The following SLC2A9 variants were observed in gnomAD, a reference collection of about 807,000 sequenced individuals.
SLC2A9 encodes solute carrier family 2, facilitated glucose transporter member 9.
In SLC2A9, 39 loss-of-function variants were observed where a neutral mutation model predicts 50.6. The observed-to-expected ratio is 0.77, with a 90% CI of 0.60 to 1.01. The LOEUF is 1.01. Ranked by LOEUF, SLC2A9 falls within the 50% of genes least tolerant of loss-of-function variation. The probability of loss-of-function intolerance (pLI) is 0.00; values close to 1 mark genes in which losing one functional copy is unlikely to be tolerated. For synonymous variants in SLC2A9, 324 were observed against 276.9 expected, an observed-to-expected ratio of 1.17 and a Z score of -1.69; for missense variants, 686 against 677.6, an observed-to-expected ratio of 1.01 and a Z score of -0.14.
chr4:9,913,442 G>C (rs915134199), intron 7 of SLC2A9, among the ~76,000 whole-genome samples: 7 of 152,082 alleles, frequency 4.6e-5, no homozygotes, highest in African/African-American at 1.2e-4. Flanking sequence ...CAGACAAATG[G>C]TGATGTATAG....
At chr4:10,003,303 A>C (rs763787463) in intron 2 of SLC2A9, among the ~76,000 whole-genome samples, 7 of 152,186 alleles carry the variant, frequency 4.6e-5, no homozygotes, top group Non-Finnish European at 1.5e-5. Context: ...GAATTAATGT[A>C]AGGAAATGAA....
chr4:9,837,593 A>T (rs1727303869), intron 10 of SLC2A9, among the ~76,000 whole-genome samples: 2 of 152,220 alleles, frequency 1.3e-5, no homozygotes. Flanking sequence ...CTCCTGGTAC[A>T]TCTCTTTGTT....
intron 7 of SLC2A9, 39 bp from the exon 8 acceptor site, chr4:9,908,384 T>C (rs1438640815): frequency 1.5e-6 from 2 of 1,377,798 alleles, no homozygotes; most frequent in Non-Finnish European, 2.1e-6. Context: ...GAATGGTCAG[T>C]GGAAGGACTT....
intron 8 of SLC2A9, among the ~76,000 whole-genome samples, chr4:9,893,727 T>C (rs1737986270): frequency 6.6e-6 from 1 of 152,100 alleles, no homozygotes; most frequent in African/African-American, 2.4e-5. Context: ...GCAAGGGAGC[T>C]GGGTCCTAGT....
chr4:9,793,023 C>T (rs1342398599), intron 3 of SLC2A9, among the ~76,000 whole-genome samples: 16 of 152,264 alleles, frequency 1.1e-4, no homozygotes, highest in East Asian at 3.9e-4. Flanking sequence ...TACAGGCATG[C>T]GCTACCACGC....
chr4:10,023,689 T>G (rs1404766451), upstream of SLC2A9, among the ~76,000 whole-genome samples: 1 of 152,210 alleles, frequency 6.6e-6, no homozygotes, highest in Non-Finnish European at 1.5e-5. Flanking sequence ...TGCCTCACCT[T>G]CAGCTCCTAC....
At chr4:10,003,585 A>G (rs982964153) in intron 2 of SLC2A9, among the ~76,000 whole-genome samples, 1 of 152,200 alleles carries the variant, frequency 6.6e-6, no homozygotes, top group Admixed American at 6.5e-5. Context: ...TGCTTTTGGC[A>G]ACTGAACGTT....
At chr4:9,792,389 C>A (rs111733388) in intron 3 of SLC2A9, among the ~76,000 whole-genome samples, 5 of 150,250 alleles carry the variant, frequency 3.3e-5, no homozygotes, top group Non-Finnish European at 4.4e-5. Flanking sequence ...GATTGCACTA[C>A]GTCACCCAGG....
At chr4:9,901,074 T>G (rs1739522421) in intron 8 of SLC2A9, among the ~76,000 whole-genome samples, 1 of 152,156 alleles carries the variant, frequency 6.6e-6, no homozygotes, top group Non-Finnish European at 1.5e-5. Flanking sequence ...GCTCTGAACA[T>G]GAAAAGCCAT....
At chr4:10,037,328 G>A (rs570313351) in intron 1 of SLC2A9, among the ~76,000 whole-genome samples, 13 of 152,212 alleles carry the variant, frequency 8.5e-5, no homozygotes, top group African/African-American at 2.9e-4. Flanking sequence ...GGGATCATAC[G>A]GTACGGTATA....
At chr4:9,800,602 C>T (rs1361069126) in intron 3 of SLC2A9, among the ~76,000 whole-genome samples, 1 of 152,222 alleles carries the variant, frequency 6.6e-6, no homozygotes. Context: ...CTTTGTGGTA[C>T]ACTCAGCCTT....
intron 8 of SLC2A9, among the ~76,000 whole-genome samples, chr4:9,901,673 C>A (rs978004344): frequency 6.6e-6 from 1 of 151,886 alleles, no homozygotes; most frequent in African/African-American, 2.4e-5. Context: ...AAGCCCCATG[C>A]CCCCCCACCA....
At chr4:9,978,362 A>C (rs1255668240) in intron 5 of SLC2A9, among the ~76,000 whole-genome samples, 1 of 152,224 alleles carries the variant, frequency 6.6e-6, no homozygotes, top group Admixed American at 6.5e-5. Flanking sequence ...CAGGAGAAAG[A>C]ACTTGATATT....
intron 8 of SLC2A9, among the ~76,000 whole-genome samples, chr4:9,906,286 G>A (rs1187608531): frequency 6.6e-6 from 1 of 152,180 alleles, no homozygotes; most frequent in East Asian, 1.9e-4. Flanking sequence ...CTGCCATCAG[G>A]TTCCGAGCAG....
intron 5 of SLC2A9, among the ~76,000 whole-genome samples, chr4:9,962,816 T>A (rs1381815252): frequency 6.6e-6 from 1 of 152,160 alleles, no homozygotes; most frequent in African/African-American, 2.4e-5. Flanking sequence ...CAGCTGACCA[T>A]CCACCTCATC....
chr4:9,902,492 T>C (rs752713482), intron 8 of SLC2A9, among the ~76,000 whole-genome samples: 11 of 152,214 alleles, frequency 7.2e-5, no homozygotes, highest in Non-Finnish European at 1.5e-4. Context: ...TTCCCAGGGC[T>C]GCCGTGATAA....
chr4:9,839,329 A>G (rs373249125), intron 10 of SLC2A9, among the ~76,000 whole-genome samples: 128 of 152,286 alleles, frequency 8.4e-4, no homozygotes, highest in African/African-American at 2.7e-3. Flanking sequence ...AAAACTAAAA[A>G]AATAACAGAT....
upstream of SLC2A9, among the ~76,000 whole-genome samples, chr4:10,022,322 A>T (rs189463839): frequency 1.3e-5 from 2 of 152,362 alleles, no homozygotes; most frequent in East Asian, 3.9e-4. Context: ...GCTCTCCTGT[A>T]GCCTAGAACA....
At chr4:9,896,841 T>C (rs778634090) in intron 8 of SLC2A9, among the ~76,000 whole-genome samples, 9 of 152,246 alleles carry the variant, frequency 5.9e-5, no homozygotes, top group Non-Finnish European at 1.0e-4. Flanking sequence ...CCTTTCCTCA[T>C]TGAATTACTT....
Sources: allele counts gnomAD v4.1 joint callset (sites outside exome capture counted in the v4.1 genomes callset), GRCh38; gene constraint gnomAD v4.1.1; transcripts MANE v1.5; gene names NCBI Gene and HGNC (gene_info 2026-07-23, HGNC 2026-07-21).